NUPR1: variants seen among roughly 807,000 people sequenced by gnomAD.
NUPR1 encodes the protein nuclear protein 1.
In NUPR1, 8 loss-of-function variants were observed where a neutral mutation model predicts 7.3. The observed-to-expected ratio is 1.09, with a 90% CI of 0.64 to 1.97. The LOEUF (loss-of-function observed/expected upper bound fraction) is 1.97. Among genes scored for constraint, NUPR1 ranks in the 30% most tolerant of loss-of-function variants. The pLI, the probability that NUPR1 is intolerant of heterozygous loss-of-function variation, is 0.00. For missense variants in NUPR1, 96 were observed against 111.7 expected (o/e 0.86, Z 0.63); for synonymous variants, 39 against 44.5 (o/e 0.88, Z 0.49).
In NUPR1 at chr16:28,535,545, T is replaced by TTC. The variant is rs1174488003; in HGVS notation, c.*2136_*2137dup. The stretch of plus-strand genomic sequence containing the variant: ...TTTCTTTCTTTCTTTCTTTCTTTCC[T>TTC]TCTTTCTTTCTTTCTTTCCTTCCTT... On this transcript the variant is annotated 3_prime_UTR_variant, in exon 3 of 3. Transcript: ENST00000324873. 18 of 21,810 alleles carry TTC rather than the reference T, an allele frequency of 8.3e-4. No individual in the cohort carries two copies. Among genetic ancestry groups the TTC allele is most frequent in the Admixed American group, 2.8e-3 (4 of 1,448 alleles). 1.4% of individuals were successfully genotyped at this position (21,810 alleles called of 1,614,324 possible).
intron 1 of NUPR1, 131 bp downstream of exon 1, chr16:28,538,665 G>A (rs1431834549): frequency 1.4e-5 from 11 of 789,654 alleles, no homozygotes; most frequent in Admixed American, 4.1e-5. Context: ...CTGGGTGACA[G>A]AGTGACTCTC....
chr16:28,537,933 A>G lies in NUPR1; in HGVS notation c.*13+73T>C, dbSNP rs1372364200. The G allele has an allele frequency of 4.7e-6, 6 of 1,284,110 alleles. No individual in the cohort carries two copies. In the African/African-American group the frequency reaches 8.9e-5, roughly 19 times the overall value. The allele number at this position is 1,284,110 out of a possible 1,614,324, so 79.5% of individuals were successfully genotyped here. ...TTGCCTGATCCCTCCTCCCCACCCA[A>G]TCACACACCTTCCGGCCTGTCCTTC... On this transcript the variant is annotated intron_variant, in intron 2 of 2. Transcript: ENST00000324873.
rs1017268098 is a variant in NUPR1, at chr16:28,535,454, C to T, written c.*2229G>A. The T allele has an allele frequency of 5.3e-5, 8 of 152,252 alleles. No individual in the cohort carries two copies. Among genetic ancestry groups the T allele is most frequent in the African/African-American group, 1.9e-4 (8 of 41,408 alleles). 9.4% of individuals were successfully genotyped at this position (152,252 alleles called of 1,614,324 possible). A position where few individuals can be genotyped will look rare whatever the true frequency, so the allele number is the denominator to read the frequency against. On this transcript the variant is annotated 3_prime_UTR_variant, in exon 3 of 3. Coordinates refer to ENST00000324873, the MANE Select transcript of NUPR1 (RefSeq NM_012385.3). ...TCAGGTGATCCGCCTGCCTTGGCCTCCCAAAGTGCTGGGATTACAGGTGTG... is the reference window on the plus strand; with the variant it reads ...TCAGGTGATCCGCCTGCCTTGGCCTTCCAAAGTGCTGGGATTACAGGTGTG...
Position 28,535,156 on chromosome 16 carries a change from G to T in NUPR1, c.*2527C>A, listed in dbSNP as rs1443951568. The T allele has an allele frequency of 6.6e-6, 1 of 152,074 alleles. No individual in the cohort carries two copies. Among genetic ancestry groups the T allele is most frequent in the African/African-American group, 2.4e-5 (1 of 41,386 alleles). The allele number at this position is 152,074 out of a possible 1,614,324, so 9.4% of individuals were successfully genotyped here. On this transcript the variant is annotated 3_prime_UTR_variant, in exon 3 of 3. Transcript: ENST00000324873. ...CAGAACCCTGTCCCACAGCCCCCTT[G>T]GCCTGGGGACCCACCTCATATCTGA... is the stretch of plus-strand genomic sequence containing the variant.
At position 28,534,003 on chromosome 16, in the gene NUPR1, C is replaced by T. The variant is rs1310641499; in HGVS notation, c.*3680G>A. The T allele has an allele frequency of 1.3e-5, 2 of 152,058 alleles. No individual in the cohort carries two copies. The highest frequency in any genetic ancestry group is 6.6e-5 in the Admixed American group (1 of 15,248). 9.4% of individuals were successfully genotyped at this position (152,058 alleles called of 1,614,324 possible). A position where few individuals can be genotyped will look rare whatever the true frequency, so the allele number is the denominator to read the frequency against. On this transcript the variant is annotated 3_prime_UTR_variant, in exon 3 of 3. Coordinates refer to ENST00000324873, the MANE Select transcript of NUPR1 (RefSeq NM_012385.3). ...CAAAAATTAGCCAGGTGTGGTGGCCCACACCTGTAGTCCCAGCTACTAGGG... is the reference window on the plus strand; with the variant it reads ...CAAAAATTAGCCAGGTGTGGTGGCCTACACCTGTAGTCCCAGCTACTAGGG...
At position 28,536,531 on chromosome 16, in the gene NUPR1, A is replaced by T. The variant is rs894028996; in HGVS notation, c.*1152T>A. 2 of 152,096 alleles carry T rather than the reference A, an allele frequency of 1.3e-5. No homozygotes were observed. Among genetic ancestry groups the T allele is most frequent in the African/African-American group, 4.8e-5 (2 of 41,354 alleles). 9.4% of individuals were successfully genotyped at this position (152,096 alleles called of 1,614,324 possible). A position where few individuals can be genotyped will look rare whatever the true frequency, so the allele number is the denominator to read the frequency against. On this transcript the variant is annotated 3_prime_UTR_variant, in exon 3 of 3. Coordinates refer to ENST00000324873, the MANE Select transcript of NUPR1 (RefSeq NM_012385.3). ...GAGTGAGACTCTGTCTCAAAAAAAA[A>T]ATTGTAGAGATGGGGTCTTACTATG... is the stretch of plus-strand genomic sequence containing the variant.
chr16:28,532,933 G>GT lies in NUPR1; in HGVS notation c.*4749dup, dbSNP rs1306939021. ...TAATAGTATGTCCTATTGGGTTATC[G>GT]TAAGGATTAAATGGAGCAAAGCCTA... On this transcript the variant is annotated 3_prime_UTR_variant, in exon 3 of 3. Coordinates refer to ENST00000324873, the MANE Select transcript of NUPR1 (RefSeq NM_012385.3). 2 of 152,158 alleles carry GT rather than the reference G, an allele frequency of 1.3e-5. No homozygotes were observed. Among genetic ancestry groups the GT allele is most frequent in the African/African-American group, 4.8e-5 (2 of 41,438 alleles). The allele number at this position is 152,158 out of a possible 1,614,324, so 9.4% of individuals were successfully genotyped here. A position where few individuals can be genotyped will look rare whatever the true frequency, so the allele number is the denominator to read the frequency against.
At chr16:28,538,301 G>A (rs369902415) in intron 1 of NUPR1, 146 bp from the exon 2 acceptor site, 1 of 1,179,974 alleles carries the variant, frequency 8.5e-7, no homozygotes. Flanking sequence ...TGGGACCCCA[G>A]ATGTGTGTGA....
chr16:28,538,858 G>C lies in NUPR1; in HGVS notation c.50C>G (p.Pro17Arg), dbSNP rs760999373. 1.9e-6 allele frequency: 3 copies of C among 1,613,368 alleles called. No individual in the cohort carries two copies. The highest frequency in any genetic ancestry group is 2.2e-5 in the South Asian group (2 of 91,044). Residue 17 changes from proline to arginine, a missense_variant, in exon 1 of 3, where the codon CCG becomes CGG. Transcript: ENST00000324873. Reference protein sequence around the residue: ...ATSAPQQPPGPEDEDSSLDES... With the variant: ...ATSAPQQPPGREDEDSSLDES... ...ATCCAGGCTGGAGTCCTCGTCCTCC[G>C]GGCCTGGGGGCTGCTGGGGGGCGCT...
chr16:28,535,560 T>TTTCTTTCCTTCCTTCCTTCCTTCC lies in NUPR1; in HGVS notation c.*2122_*2123insGGAAGGAAGGAAGGAAGGAAAGAA, dbSNP rs2046608462. 5 of 64,280 alleles carry TTTCTTTCCTTCCTTCCTTCCTTCC rather than the reference T, an allele frequency of 7.8e-5. No individual in the cohort carries two copies. Among genetic ancestry groups the TTTCTTTCCTTCCTTCCTTCCTTCC allele is most frequent in the South Asian group, 3.9e-4 (1 of 2,564 alleles). The allele number at this position is 64,280 out of a possible 1,614,324, so 4.0% of individuals were successfully genotyped here. A position where few individuals can be genotyped will look rare whatever the true frequency, so the allele number is the denominator to read the frequency against. ...CTTTCTTTCCTTCTTTCTTTCTTTC[T>TTTCTTTCCTTCCTTCCTTCCTTCC]TTCCTTCCTTCCTTTCTTTCTTTCT... On this transcript the variant is annotated 3_prime_UTR_variant, in exon 3 of 3. Transcript: ENST00000324873.
chr16:28,538,616 G>A, intron 1 of NUPR1, 180 bp downstream of exon 1: 1 of 697,420 alleles, frequency 1.4e-6, no homozygotes, highest in Admixed American at 2.0e-5. Context: ...GCTGCGGTGA[G>A]TTGTTTGAGT....
At chr16:28,538,281 C>A (rs1391148820) in intron 1 of NUPR1, 126 bp from the exon 2 acceptor site, 3 of 1,420,562 alleles carry the variant, frequency 2.1e-6, no homozygotes, top group African/African-American at 2.8e-5. Flanking sequence ...TGCTTCCCCT[C>A]TGTGGAATGT....
At position 28,535,303 on chromosome 16, in the gene NUPR1, TTCTC is replaced by T. The variant is rs750759643; in HGVS notation, c.*2376_*2379del. 3 of 151,868 alleles carry T rather than the reference TTCTC, an allele frequency of 2.0e-5. No homozygotes were observed. Among genetic ancestry groups the T allele is most frequent in the Non-Finnish European group, 2.9e-5 (2 of 68,050 alleles). 9.4% of individuals were successfully genotyped at this position (151,868 alleles called of 1,614,324 possible). A position where few individuals can be genotyped will look rare whatever the true frequency, so the allele number is the denominator to read the frequency against. On this transcript the variant is annotated 3_prime_UTR_variant, in exon 3 of 3. Coordinates refer to ENST00000324873, the MANE Select transcript of NUPR1 (RefSeq NM_012385.3). ...CTTTCCTTCCTCTTTCTTTCCCTCC[TTCTC>T]TCTTTCTTTCTCTCTCTTTTTCTTT...
rs1244240251 is a variant in NUPR1 at position 28,535,575 on chromosome 16, T to TTCCTTCCTTC, written c.*2107_*2108insGAAGGAAGGA. ...TCTTTCTTTCTTTCCTTCCTTCCTT[T>TTCCTTCCTTC]CTTTCTTTCTTTCTTTCTTTCTTTC... On this transcript the variant is annotated 3_prime_UTR_variant, in exon 3 of 3. Coordinates refer to ENST00000324873, the MANE Select transcript of NUPR1 (RefSeq NM_012385.3). The TTCCTTCCTTC allele has an allele frequency of 2.0e-3, 83 of 41,400 alleles. 1 individual carries two copies. The East Asian group carries it at 0.024, about 12-fold the overall frequency. The allele number at this position is 41,400 out of a possible 1,614,324, so 2.6% of individuals were successfully genotyped here. A position where few individuals can be genotyped will look rare whatever the true frequency, so the allele number is the denominator to read the frequency against.
rs1491585858 is a variant in NUPR1 at position 28,535,583 on chromosome 16, T to TCCTTC, written c.*2099_*2100insGAAGG. On this transcript the variant is annotated 3_prime_UTR_variant, in exon 3 of 3. Transcript: ENST00000324873. ...TCTTTCCTTCCTTCCTTTCTTTCTT[T>TCCTTC]CTTTCTTTCTTTCTTTCTTTCTTTC... is the stretch of plus-strand genomic sequence containing the variant. The TCCTTC allele has an allele frequency of 1.4e-3, 59 of 43,216 alleles. No homozygotes were observed. The highest frequency in any genetic ancestry group is 6.2e-3 in the African/African-American group (49 of 7,866). 2.7% of individuals were successfully genotyped at this position (43,216 alleles called of 1,614,324 possible).
At position 28,533,933 on chromosome 16, in the gene NUPR1, G is replaced by A. The variant is rs2046595604; in HGVS notation, c.*3750C>T. The A allele has an allele frequency of 1.3e-5, 2 of 152,180 alleles. No homozygotes were observed. Among genetic ancestry groups the A allele is most frequent in the Non-Finnish European group, 1.5e-5 (1 of 68,114 alleles). 9.4% of individuals were successfully genotyped at this position (152,180 alleles called of 1,614,324 possible). A position where few individuals can be genotyped will look rare whatever the true frequency, so the allele number is the denominator to read the frequency against. ...AGATCACCTGAGGTCGGGAGTTTGA[G>A]ACCAGCCTGGGCAACATGGTGAAAC... is the stretch of plus-strand genomic sequence containing the variant. On this transcript the variant is annotated 3_prime_UTR_variant, in exon 3 of 3. Transcript: ENST00000324873.
At position 28,538,622 on chromosome 16, in the gene NUPR1, T is replaced by C. The variant is rs565338587; in HGVS notation, c.112+174A>G. 49 of 702,772 alleles carry C rather than the reference T, an allele frequency of 7.0e-5. No homozygotes were observed. In the Admixed American group the frequency reaches 9.6e-4, roughly 14 times the overall value. The allele number at this position is 702,772 out of a possible 1,614,324, so 43.5% of individuals were successfully genotyped here. ...GAGTTCGAGGCTGCGGTGAGTTGTTTGAGTTGTTGTGATCACACTACTGCA... is the reference window on the plus strand; with the variant it reads ...GAGTTCGAGGCTGCGGTGAGTTGTTCGAGTTGTTGTGATCACACTACTGCA... On this transcript the variant is annotated intron_variant, in intron 1 of 2. Transcript: ENST00000324873.
rs1308813787 is a variant in NUPR1, at chr16:28,535,535, CTTT to C, written c.*2145_*2147del. ...TCTTTCTTTCTTTCTTTCTTTCTTT[CTTT>C]CTTTCCTTCTTTCTTTCTTTCTTTC... On this transcript the variant is annotated 3_prime_UTR_variant, in exon 3 of 3. Coordinates refer to ENST00000324873, the MANE Select transcript of NUPR1 (RefSeq NM_012385.3). 5.2e-4 allele frequency: 40 copies of C among 76,668 alleles called. No homozygotes were observed. Among genetic ancestry groups the C allele is most frequent in the African/African-American group, 1.1e-3 (24 of 22,752 alleles). The allele number at this position is 76,668 out of a possible 1,614,324, so 4.7% of individuals were successfully genotyped here. A position where few individuals can be genotyped will look rare whatever the true frequency, so the allele number is the denominator to read the frequency against.
At position 28,536,894 on chromosome 16, in the gene NUPR1, C is replaced by G. The variant is rs2046627508; in HGVS notation, c.*789G>C. ...GGTCAGGCTGGTCTTGAACTCCTGA[C>G]TTTGTGATCCACCCACCTCGGCCTC... On this transcript the variant is annotated 3_prime_UTR_variant, in exon 3 of 3. Coordinates refer to ENST00000324873, the MANE Select transcript of NUPR1 (RefSeq NM_012385.3). The G allele has an allele frequency of 1.3e-5, 2 of 152,066 alleles. No homozygotes were observed. The allele number at this position is 152,066 out of a possible 1,614,324, so 9.4% of individuals were successfully genotyped here.
Sources: gnomAD v4.1 joint callset for allele counts on GRCh38, gnomAD v4.1.1 for gene constraint, MANE v1.5 for transcripts, NCBI Gene and HGNC (gene_info 2026-07-23, HGNC 2026-07-21) for gene names.